Variants in DNER observed in about 807,000 individuals in gnomAD.
DNER encodes delta/notch like EGF repeat containing.
A neutral mutation model predicts 78.2 loss-of-function variants in DNER; 33 were observed. The ratio of observed to expected loss-of-function variants is 0.42; its 90% CI spans 0.32 to 0.56. DNER has a LOEUF of 0.56. DNER is among the 20% of genes least tolerant of loss of function. DNER has a pLI of 0.11. For missense variants in DNER, 918 were observed against 975.3 expected (o/e 0.94, Z 0.78); for synonymous variants, 417 against 384.8 (o/e 1.08, Z -0.98).
intron 10 of DNER, among the ~76,000 whole-genome samples, chr2:229,406,030 G>A (rs10184352): frequency 0.17 from 25,692 of 152,146 alleles, 2,741 homozygotes; most frequent in East Asian, 0.5. Flanking sequence ...AGAAAAGCCA[G>A]AAGGAAAACA....
chr2:229,548,596 CG>C (rs2154213267), intron 4 of DNER, among the ~76,000 whole-genome samples: 1 of 150,970 alleles, frequency 6.6e-6, no homozygotes, highest in East Asian at 1.9e-4. Flanking sequence ...CTGTCAGGGG[CG>C]GGGGTGAGTA....
chr2:229,529,768 G>A (rs1696267998), intron 5 of DNER, among the ~76,000 whole-genome samples: 1 of 152,234 alleles, frequency 6.6e-6, no homozygotes, highest in Non-Finnish European at 1.5e-5. Flanking sequence ...AACACTCTGA[G>A]AAGCCAAGGC....
At chr2:229,586,107 C>T in intron 3 of DNER, 83 bp from the exon 4 acceptor site, 1 of 1,466,070 alleles carries the variant, frequency 6.8e-7, no homozygotes, top group Non-Finnish European at 9.1e-7. Flanking sequence ...AAAATAAATA[C>T]AAAGATGGTA....
chr2:229,377,051 G>A (rs1177334453), intron 11 of DNER, among the ~76,000 whole-genome samples: 1 of 152,124 alleles, frequency 6.6e-6, no homozygotes, highest in Admixed American at 6.5e-5. Context: ...GTTGTCTAGA[G>A]GTGGCTGTGC....
intron 10 of DNER, among the ~76,000 whole-genome samples, chr2:229,403,756 G>C (rs1693320900): frequency 6.6e-6 from 1 of 151,998 alleles, no homozygotes; most frequent in South Asian, 2.1e-4. Context: ...GGGTGTAGGG[G>C]TAAAGGGATG....
chr2:229,533,647 C>T (rs1696348872), intron 5 of DNER, among the ~76,000 whole-genome samples: 1 of 152,124 alleles, frequency 6.6e-6, no homozygotes, highest in South Asian at 2.1e-4. Context: ...CAAGGAAGTG[C>T]ACTTGGGCCA....
intron 1 of DNER, among the ~76,000 whole-genome samples, chr2:229,621,278 C>T (rs16826281): frequency 0.022 from 3,289 of 152,312 alleles, 49 homozygotes; most frequent in Middle Eastern, 0.034. Flanking sequence ...TTCCTACATA[C>T]CGTTGTCAAA....
Position 229,497,522 on chromosome 2 carries a change from GATAA to G in DNER, c.1147+15257_1147+15260del, listed in dbSNP as rs1300597935. 1.3e-4 allele frequency among the ~76,000 whole-genome samples: 19 copies of G among 150,908 alleles called. No homozygotes were observed. The East Asian group carries it at 3.5e-3, about 28-fold the overall frequency. On this transcript the variant is annotated intron_variant, in intron 6 of 12. Transcript: ENST00000341772. ...AAACTAATCAGTTGTTTTTTTTAAAGATAAATAAAGTCAACAAAACTTTAGCTAG... is the reference window on the plus strand; with the variant it reads ...AAACTAATCAGTTGTTTTTTTTAAAGATAAAGTCAACAAAACTTTAGCTAG...
In DNER at chr2:229,591,796, G is replaced by A. The variant is rs1302259976; in HGVS notation, c.369C>T (p.Cys123=). ...SSSSDGYLCI[C]NEGYEGPNCE... Reference sequence around the variant, plus strand: ...AGTTGGGACCTTCATAGCCTTCATTGCAAATGCAGAGGTAGCCATCGCTGC... The same window carrying A: ...AGTTGGGACCTTCATAGCCTTCATTACAAATGCAGAGGTAGCCATCGCTGC... The change falls in exon 2 of 13, where the codon TGC becomes TGT. Residue 123 remains cysteine (C), a synonymous_variant. Coordinates refer to ENST00000341772, the MANE Select transcript of DNER (RefSeq NM_139072.4). This position sits in a 1 kb window ranked among gnomAD's most constrained non-coding sequence, Gnocchi z 4.6. 6.2e-7 allele frequency: 1 copy of A among 1,613,974 alleles called. No individual in the cohort carries two copies. The highest frequency in any genetic ancestry group is 2.2e-5 in the East Asian group (1 of 44,870).
At chr2:229,377,862 T>C (rs756279867) in intron 11 of DNER, among the ~76,000 whole-genome samples, 1 of 152,232 alleles carries the variant, frequency 6.6e-6, no homozygotes, top group Non-Finnish European at 1.5e-5. Context: ...CTCCTGAAGA[T>C]GTCCTAATGC....
intron 1 of DNER, among the ~76,000 whole-genome samples, chr2:229,694,186 C>G (rs572898780): frequency 2.6e-4 from 40 of 152,372 alleles, no homozygotes; most frequent in African/African-American, 9.6e-4. Context: ...AAGTCAAGAA[C>G]TGAGGTTTGG....
chr2:229,640,666 T>C (rs1698602782), intron 1 of DNER, among the ~76,000 whole-genome samples: 1 of 152,214 alleles, frequency 6.6e-6, no homozygotes, highest in South Asian at 2.1e-4. Context: ...CTCAGAACAA[T>C]GTGTGCACAA....
intron 4 of DNER, among the ~76,000 whole-genome samples, chr2:229,576,649 G>T (rs77052792): frequency 8.5e-5 from 13 of 152,080 alleles, no homozygotes; most frequent in Admixed American, 7.9e-4. Flanking sequence ...AAAGGTTTGT[G>T]GGGGGGAACG....
At chr2:229,696,144 C>T (rs1699659508) in intron 1 of DNER, among the ~76,000 whole-genome samples, 1 of 152,180 alleles carries the variant, frequency 6.6e-6, no homozygotes, top group East Asian at 1.9e-4. Flanking sequence ...TCTTTTAGCC[C>T]TGCTTTGGCT....
intron 1 of DNER, among the ~76,000 whole-genome samples, chr2:229,632,073 C>T (rs370595801): frequency 6.6e-6 from 1 of 152,150 alleles, no homozygotes; most frequent in Non-Finnish European, 1.5e-5. Flanking sequence ...CAAAATATAG[C>T]GCTGTGAATG....
intron 5 of DNER, among the ~76,000 whole-genome samples, chr2:229,532,028 A>AAT (rs1318883810): frequency 6.6e-6 from 1 of 152,168 alleles, no homozygotes; most frequent in Admixed American, 6.5e-5. Flanking sequence ...CTGCTTAATG[A>AAT]ATATGAGGCT....
At chr2:229,687,381 A>G (rs1699501852) in intron 1 of DNER, among the ~76,000 whole-genome samples, 1 of 150,668 alleles carries the variant, frequency 6.6e-6, no homozygotes, top group Non-Finnish European at 1.5e-5. Flanking sequence ...CTTCTGCCTC[A>G]GCCTCCTGAG....
chr2:229,591,980 T>TG lies in DNER; in HGVS notation c.277-93dup. The TG allele has an allele frequency of 1.4e-6, 2 of 1,410,812 alleles. No homozygotes were observed. The highest frequency in any genetic ancestry group is 9.3e-7 in the Non-Finnish European group (1 of 1,075,568). 87.4% of individuals were successfully genotyped at this position (1,410,812 alleles called of 1,614,324 possible). The stretch of plus-strand genomic sequence containing the variant: ...TAGCTCTGTGTCTCAGAGCGACTGC[T>TG]GTAATGGAAATGCTGTTCCTGTGGA... On this transcript the variant is annotated intron_variant, in intron 1 of 12. Transcript: ENST00000341772. This position sits in a 1 kb window ranked among gnomAD's most constrained non-coding sequence, Gnocchi z 4.6.
chr2:229,569,043 G>A (rs917769871), intron 4 of DNER, among the ~76,000 whole-genome samples: 9 of 151,916 alleles, frequency 5.9e-5, no homozygotes, highest in African/African-American at 9.7e-5. Flanking sequence ...GGATGGATGC[G>A]TATCTATGTC....
Sources: allele counts gnomAD v4.1 joint callset (sites outside exome capture counted in the v4.1 genomes callset), GRCh38; gene constraint gnomAD v4.1.1; non-coding constraint Gnocchi (gnomAD v3.1); transcripts MANE v1.5; gene names NCBI Gene and HGNC (gene_info 2026-07-23, HGNC 2026-07-21).